OR56A3: variants seen among roughly 807,000 people sequenced by gnomAD.
OR56A3 encodes the protein olfactory receptor family 56 subfamily A member 3, also known as olfactory receptor 56A3.
OR56A3 carries 23 observed loss-of-function variants against 17.5 expected under a neutral mutation model. That is an observed-to-expected ratio of 1.32 (90% CI 0.95 to 1.87). The LOEUF is 1.87. Among genes scored for constraint, OR56A3 ranks in the 40% most tolerant of loss-of-function variants. The pLI, the probability that OR56A3 is intolerant of heterozygous loss-of-function variation, is 0.00. For synonymous variants in OR56A3, 175 were observed against 150.6 expected, an observed-to-expected ratio of 1.16 and a Z score of -1.19; for missense variants, 366 against 380.1, an observed-to-expected ratio of 0.96 and a Z score of 0.31.
the OR56A3 span, among the ~76,000 whole-genome samples, chr11:6,012,267 A>G: frequency 6.6e-6 from 1 of 152,250 alleles, no homozygotes; most frequent in Non-Finnish European, 1.5e-5. Context: ...TGAAGTGGGC[A>G]GTTCCTTTCT....
chr11:5,992,788 G>C, the OR56A3 span, among the ~76,000 whole-genome samples: 1 of 152,270 alleles, frequency 6.6e-6, no homozygotes. Flanking sequence ...CCAGTAACAA[G>C]CTTCCCACTG....
the OR56A3 span, among the ~76,000 whole-genome samples, chr11:5,988,753 A>G: frequency 2.0e-5 from 3 of 152,212 alleles, no homozygotes; most frequent in Non-Finnish European, 2.9e-5. Flanking sequence ...AGTGTCTTTG[A>G]CAACCGCATG....
chr11:5,972,967 C>T, the OR56A3 span, among the ~76,000 whole-genome samples: 3 of 152,166 alleles, frequency 2.0e-5, no homozygotes, highest in Non-Finnish European at 4.4e-5. Flanking sequence ...GACCATCCTC[C>T]TAAACATTCT....
At chr11:5,958,093 T>C in the OR56A3 span, among the ~76,000 whole-genome samples, 1 of 152,198 alleles carries the variant, frequency 6.6e-6, no homozygotes, top group South Asian at 2.1e-4. Context: ...AGCAAATCTG[T>C]GAGCATCCAT....
the OR56A3 span, among the ~76,000 whole-genome samples, chr11:5,957,113 C>G: frequency 0.54 from 81,181 of 151,722 alleles, 21,943 homozygotes; most frequent in East Asian, 0.69. Context: ...TCGCACAATT[C>G]CATTCCAGCC....
At chr11:5,944,070 A>G (rs2134360078) in intron 1 of OR56A3, among the ~76,000 whole-genome samples, 1 of 152,326 alleles carries the variant, frequency 6.6e-6, no homozygotes, top group African/African-American at 2.4e-5. Context: ...GGCATGAAGA[A>G]GGGTCGTTAG....
the OR56A3 span, chr11:6,002,985 G>A: frequency 1.2e-6 from 2 of 1,614,110 alleles, no homozygotes; most frequent in Non-Finnish European, 8.5e-7. Context: ...ATTGCTGGGA[G>A]ATGCCATGTA....
the OR56A3 span, among the ~76,000 whole-genome samples, chr11:6,008,848 A>T: frequency 1.3e-5 from 2 of 152,134 alleles, no homozygotes; most frequent in Non-Finnish European, 2.9e-5. Flanking sequence ...CTGTATTTAT[A>T]TCCTGTATAT....
Position 5,947,379 on chromosome 11 carries a change from T to G in OR56A3, c.33T>G (p.Thr11=), listed in dbSNP as rs1421663708. ...CACACCGAAATGACACCCTCTCCAC[T>G]GAAGCTTCAGACTTCCTCTTGAATT... is the stretch of plus-strand genomic sequence containing the variant. The part of the protein sequence containing the change: MTTHRNDTLS[T]EASDFLLNCF... The change falls in exon 3 of 3, where the codon ACT becomes ACG. Residue 11 remains threonine, a synonymous_variant. Transcript: ENST00000641160. 3 of 1,611,866 alleles carry G rather than the reference T, an allele frequency of 1.9e-6. No individual in the cohort carries two copies. The highest frequency in any genetic ancestry group is 8.5e-7 in the Non-Finnish European group (1 of 1,178,552).
At chr11:5,942,886 G>A (rs1451726443) in intron 1 of OR56A3, among the ~76,000 whole-genome samples, 1 of 152,224 alleles carries the variant, frequency 6.6e-6, no homozygotes, top group Non-Finnish European at 1.5e-5. Flanking sequence ...TTTTAAAACA[G>A]GGTTTCTTTG....
At chr11:5,988,885 T>C in the OR56A3 span, among the ~76,000 whole-genome samples, 1 of 152,244 alleles carries the variant, frequency 6.6e-6, no homozygotes, top group African/African-American at 2.4e-5. Flanking sequence ...TAGTCTGAAA[T>C]AACTGTATTT....
chr11:5,956,876 G>A, the OR56A3 span, among the ~76,000 whole-genome samples: 98 of 152,104 alleles, frequency 6.4e-4, no homozygotes, highest in Non-Finnish European at 2.9e-4. Flanking sequence ...ATAAAGAGAG[G>A]CCTGGCGCGG....
the OR56A3 span, among the ~76,000 whole-genome samples, chr11:6,007,980 G>A: frequency 6.6e-6 from 1 of 152,154 alleles, no homozygotes; most frequent in East Asian, 1.9e-4. Context: ...TGTTTCGTAA[G>A]TGTGGTTTCG....
the OR56A3 span, among the ~76,000 whole-genome samples, chr11:6,007,740 C>T: frequency 3.9e-5 from 6 of 152,132 alleles, no homozygotes; most frequent in African/African-American, 1.4e-4. Flanking sequence ...TCAGGCTATC[C>T]TCAGCACTGT....
downstream of OR56A3, among the ~76,000 whole-genome samples, chr11:5,952,470 T>C (rs1237517702): frequency 6.6e-6 from 1 of 152,104 alleles, no homozygotes; most frequent in Non-Finnish European, 1.5e-5. Flanking sequence ...TACTAAGACA[T>C]TCACTTTCCA....
At chr11:5,988,813 T>C in the OR56A3 span, among the ~76,000 whole-genome samples, 1 of 152,242 alleles carries the variant, frequency 6.6e-6, no homozygotes, top group East Asian at 1.9e-4. Flanking sequence ...TGAAATTTAC[T>C]AAAAGAAAAA....
At chr11:5,986,281 C>G in the OR56A3 span, 5 of 1,613,976 alleles carry the variant, frequency 3.1e-6, no homozygotes, top group Non-Finnish European at 1.7e-6. Context: ...CATAGTCAGC[C>G]CATAAGCTCG....
the OR56A3 span, among the ~76,000 whole-genome samples, chr11:5,968,750 G>T: frequency 1.3e-5 from 2 of 151,838 alleles, no homozygotes; most frequent in South Asian, 2.1e-4. Context: ...GAAGGAAAAT[G>T]ATTTAAAAAA....
the OR56A3 span, among the ~76,000 whole-genome samples, chr11:6,014,247 T>C: frequency 6.6e-6 from 1 of 152,234 alleles, no homozygotes; most frequent in East Asian, 1.9e-4. Flanking sequence ...TATGATATAG[T>C]TTGGATCTGT....
Sources: gnomAD v4.1 joint callset for allele counts (sites outside exome capture counted in the v4.1 genomes callset) on GRCh38, gnomAD v4.1.1 for gene constraint, MANE v1.5 for transcripts, NCBI Gene and HGNC (gene_info 2026-07-23, HGNC 2026-07-21) for gene names.